The following SYNE4 variants were observed in gnomAD, a reference collection of about 807,000 sequenced individuals.
SYNE4 encodes nesprin-4.
SYNE4 carries 41 observed loss-of-function variants against 46.9 expected under a neutral mutation model. That is an observed-to-expected ratio of 0.87 (90% CI 0.68 to 1.13). SYNE4 has a LOEUF of 1.13. Ranked by LOEUF, SYNE4 falls within the 50% of genes most tolerant of loss-of-function variation. The pLI is 0.00. For synonymous variants in SYNE4, 221 were observed against 219.5 expected, an observed-to-expected ratio of 1.01 and a Z score of -0.06; for missense variants, 492 against 514.8, an observed-to-expected ratio of 0.96 and a Z score of 0.43.
chr19:36,007,919 G>T (rs149991765), intron 2 of SYNE4, among the ~76,000 whole-genome samples: 4 of 151,850 alleles, frequency 2.6e-5, no homozygotes, highest in African/African-American at 9.7e-5. Flanking sequence ...CAGCTACTCG[G>T]GTGGCTGAGG....
Position 36,003,353 on chromosome 19 carries a change from C to T in SYNE4, c.1199G>A (p.Gly400Asp), listed in dbSNP as rs748677413. 1 of 1,614,020 alleles carries T rather than the reference C, an allele frequency of 6.2e-7. No homozygotes were observed. Among genetic ancestry groups the T allele is most frequent in the Non-Finnish European group, 8.5e-7 (1 of 1,179,998 alleles). The change falls in exon 8 of 8, where the codon GGT becomes GAT. Residue 400 changes from glycine (G) to aspartate (D), a missense_variant. Transcript: ENST00000324444. ...TTACACACATCAGACTGGGGGAAGA[C>T]CATTGACATAGCTGAGCACCAGGTA... ...TPYLVLSYVN[G>D]LPPV
Position 36,007,188 on chromosome 19 carries a change from C to T in SYNE4, c.360G>A (p.Leu120=). Residue 120 remains leucine (L), a synonymous_variant, in exon 3 of 8, where the codon CTG becomes CTA. Coordinates refer to ENST00000324444, the MANE Select transcript of SYNE4 (RefSeq NM_001039876.3). ...GCCCCAGGCCTTGCTCCAGGTCCTG[C>T]AGCCGGCGGCCCAGCCCCAGCAGGC... The part of the protein sequence containing the change: ...HLCLLGLGRR[L]QDLEQGLGHW... The T allele has an allele frequency of 6.3e-7, 1 of 1,584,856 alleles. No homozygotes were observed.
In SYNE4 at chr19:36,008,658, G is replaced by A; in HGVS notation, c.24C>T (p.Gly8=). Residue 8 remains glycine, a synonymous_variant, in exon 1 of 8, where the codon GGC becomes GGT. Transcript: ENST00000324444. The stretch of plus-strand genomic sequence containing the variant: ...TGAGGGGCTCTGAGCCAAGTCTAGG[G>A]CCCAGAGGCAGGGACAGGGCCATGG... MALSLPL[G]PRLGSEPLNH... 1 of 1,613,454 alleles carries A rather than the reference G, an allele frequency of 6.2e-7. No homozygotes were observed.
Position 36,008,550 on chromosome 19 carries a change from C to T in SYNE4, c.128+4G>A. Reference sequence around the variant, plus strand: ...GAACAAGCTTCCAAAGCCCCGGCCCCCACCTCGTGCTCTCCTCTCCGGACG... The same window carrying T: ...GAACAAGCTTCCAAAGCCCCGGCCCTCACCTCGTGCTCTCCTCTCCGGACG... On this transcript the variant is annotated splice_donor_region_variant and intron_variant, in intron 1 of 7. Transcript: ENST00000324444. The T allele has an allele frequency of 6.2e-7, 1 of 1,613,618 alleles. No individual in the cohort carries two copies. The highest frequency in any genetic ancestry group is 8.5e-7 in the Non-Finnish European group (1 of 1,179,928).
intron 2 of SYNE4, among the ~76,000 whole-genome samples, chr19:36,007,714 T>A (rs1463129350): frequency 7.0e-6 from 1 of 142,588 alleles, no homozygotes; most frequent in African/African-American, 2.6e-5. Context: ...TCATCTCTAC[T>A]TTTTTTTTTT....
chr19:36,003,639 C>G lies in SYNE4; in HGVS notation c.1005G>C (p.Gln335His). 1 of 1,613,436 alleles carries G rather than the reference C, an allele frequency of 6.2e-7. No individual in the cohort carries two copies. The highest frequency in any genetic ancestry group is 1.1e-5 in the South Asian group (1 of 90,796). ...DKKRQASPHL[Q>H]DVRLEGNPGA... ...CTGGATTCCCCTCCAGCCTCACATC[C>G]TGGAGATGAGGAGATGCTTGCCTCT... The change falls in exon 7 of 8, where the codon CAG (glutamine) becomes CAC (histidine). Residue 335 changes from glutamine to histidine, a missense_variant. Coordinates refer to ENST00000324444, the MANE Select transcript of SYNE4 (RefSeq NM_001039876.3).
intron 6 of SYNE4, 87 bp downstream of exon 6, chr19:36,005,246 C>CCCTT: frequency 7.5e-7 from 1 of 1,341,218 alleles, no homozygotes. Flanking sequence ...TAATAGCATT[C>CCCTT]CCTTTCTTGT....
chr19:36,006,729 G>C lies in SYNE4; in HGVS notation c.618+21C>G, dbSNP rs756633531. ...GAGGTTGGGGCCTGGGTTGGGTGGGGGGTATCAAGATGGGCCCTACCAGGC... is the reference window on the plus strand; with the variant it reads ...GAGGTTGGGGCCTGGGTTGGGTGGGCGGTATCAAGATGGGCCCTACCAGGC... On this transcript the variant is annotated intron_variant, in intron 4 of 7. Transcript: ENST00000324444. 6.3e-6 allele frequency: 10 copies of C among 1,594,916 alleles called. No homozygotes were observed. The Admixed American group carries it at 1.4e-4, about 22-fold the overall frequency.
chr19:36,006,250 A>G (rs1976845815), intron 5 of SYNE4, 173 bp downstream of exon 5: 7 of 940,370 alleles, frequency 7.4e-6, no homozygotes, highest in African/African-American at 1.7e-5. Context: ...GGATGTAGAC[A>G]GAGACAGACG....
Position 36,005,070 on chromosome 19 carries a change from T to G in SYNE4, c.972+263A>C, listed in dbSNP as rs7258897. 0.42 allele frequency among the ~76,000 whole-genome samples: 63,827 copies of G among 151,226 alleles called. 14,966 individuals are homozygous for G. The highest frequency in any genetic ancestry group is 0.63 in the African/African-American group (26,146 of 41,218). On this transcript the variant is annotated intron_variant, in intron 6 of 7. Coordinates refer to ENST00000324444, the MANE Select transcript of SYNE4 (RefSeq NM_001039876.3). ...TTTAGTAGAGACGGGGTTTCACCAT[T>G]TTGGCCAGGCTGGTCTCGTACTCCT...
rs1426377768 is a variant in SYNE4, at chr19:36,006,887, C to T, written c.481G>A (p.Gly161Ser). The T allele has an allele frequency of 6.4e-7, 1 of 1,563,306 alleles. No homozygotes were observed. Residue 161 changes from glycine (G) to serine (S), a missense_variant, in exon 4 of 8, where the codon GGT becomes AGT. Physicochemically the swap from Gly to Ser is moderately conservative, Grantham distance 56 (BLOSUM62 0). Coordinates refer to ENST00000324444, the MANE Select transcript of SYNE4 (RefSeq NM_001039876.3). ...AERVEALLAFGEGLAQRSEPR... is the reference protein window; with the variant it reads ...AERVEALLAFSEGLAQRSEPR... ...TCACTCCGCTGTGCCAGCCCCTCACCAAACGCTAGCAGCGCCTCCACACGC... is the reference window on the plus strand; with the variant it reads ...TCACTCCGCTGTGCCAGCCCCTCACTAAACGCTAGCAGCGCCTCCACACGC...
chr19:36,003,770 A>G, intron 6 of SYNE4, 99 bp from the exon 7 acceptor site: 1 of 1,517,662 alleles, frequency 6.6e-7, no homozygotes, highest in East Asian at 2.5e-5. Context: ...CCCACGCTGG[A>G]CTGCAATGGC....
chr19:36,004,769 A>G (rs1976788810), intron 6 of SYNE4, among the ~76,000 whole-genome samples: 1 of 151,506 alleles, frequency 6.6e-6, no homozygotes, highest in African/African-American at 2.4e-5. Context: ...GTGGCAGTGT[A>G]GCCACTGGAG....
At chr19:36,004,482 A>G (rs1047566647) in intron 6 of SYNE4, among the ~76,000 whole-genome samples, 1 of 152,192 alleles carries the variant, frequency 6.6e-6, no homozygotes, top group African/African-American at 2.4e-5. Flanking sequence ...TCCTTTATCC[A>G]ATACAATCCC....
intron 7 of SYNE4, 33 bp from the exon 8 acceptor site, chr19:36,003,553 G>A (rs1012249341): frequency 1.9e-6 from 3 of 1,600,590 alleles, no homozygotes; most frequent in Admixed American, 1.7e-5. Flanking sequence ...AAACATACAG[G>A]TGGGCTGCTG....
intron 2 of SYNE4, among the ~76,000 whole-genome samples, chr19:36,007,888 G>A (rs1335033366): frequency 9.2e-5 from 14 of 151,936 alleles, no homozygotes; most frequent in Admixed American, 9.2e-4. Flanking sequence ...AGCCAGGTAT[G>A]GTGGCATGTG....
chr19:36,003,673 T>A lies in SYNE4; in HGVS notation c.973-2A>T. On this transcript the variant is annotated splice_acceptor_variant, in intron 6 of 7. Transcript: ENST00000324444. LOFTEE classifies it high-confidence loss of function. Reference sequence around the variant, plus strand: ...AGGAGATGCTTGCCTCTTCTTGTCCTAAGGAGGGAGAGCAGCCAGCAGCAG... The same window carrying A: ...AGGAGATGCTTGCCTCTTCTTGTCCAAAGGAGGGAGAGCAGCCAGCAGCAG... The A allele has an allele frequency of 6.2e-7, 1 of 1,612,304 alleles. No homozygotes were observed.
At chr19:36,003,547 A>C (rs1215829954) in intron 7 of SYNE4, 27 bp from the exon 8 acceptor site, 2 of 1,599,300 alleles carry the variant, frequency 1.3e-6, no homozygotes, top group Non-Finnish European at 1.7e-6. Context: ...AGTGTTAAAC[A>C]TACAGGTGGG....
Position 36,007,245 on chromosome 19 carries a change from T to A in SYNE4, c.303A>T (p.Val101=). Residue 101 remains valine (V), a synonymous_variant, in exon 3 of 8, where the codon GTA becomes GTT. Transcript: ENST00000324444. The part of the protein sequence containing the change: ...HCEHPISGLE[V]LEAEQNSLHL... Reference sequence around the variant, plus strand: ...GCAGGCTGTTCTGCTCAGCCTCTAGTACCTCCAGGCCAGAAATGGGGTGCT... The same window carrying A: ...GCAGGCTGTTCTGCTCAGCCTCTAGAACCTCCAGGCCAGAAATGGGGTGCT... The A allele has an allele frequency of 6.3e-7, 1 of 1,598,454 alleles. No individual in the cohort carries two copies.
Sources: allele counts gnomAD v4.1 joint callset (sites outside exome capture counted in the v4.1 genomes callset), GRCh38; gene constraint gnomAD v4.1.1; transcripts MANE v1.5; gene names NCBI Gene and HGNC (gene_info 2026-07-23, HGNC 2026-07-21).